The following TECPR2 variants were observed in gnomAD, a reference collection of about 807,000 sequenced individuals.
The protein encoded by TECPR2 is tectonin beta-propeller repeat-containing protein 2.
A neutral mutation model predicts 138.1 loss-of-function variants in TECPR2; 65 were observed. That is an observed-to-expected ratio of 0.47 (90% CI 0.39 to 0.58). The LOEUF is 0.58. TECPR2 is among the 20% of genes least tolerant of loss of function. The pLI is 0.00. For synonymous variants in TECPR2, 746 were observed against 749.8 expected (o/e 0.99, Z 0.08); for missense variants, 1,553 against 1,824.5 (o/e 0.85, Z 2.71).
chr14:102,488,700 G>A (rs1271600096), intron 17 of TECPR2, among the ~76,000 whole-genome samples: 3 of 151,702 alleles, frequency 2.0e-5, no homozygotes, highest in Admixed American at 6.6e-5. Context: ...AAGAAATCCT[G>A]AGTACCCTTT....
intron 17 of TECPR2, among the ~76,000 whole-genome samples, chr14:102,496,516 C>T (rs535774169): frequency 3.3e-5 from 5 of 152,336 alleles, no homozygotes; most frequent in South Asian, 4.1e-4. Flanking sequence ...GTTGCCTGCC[C>T]GGCAGCACAT....
At chr14:102,391,515 C>A (rs1399497242) in intron 2 of TECPR2, among the ~76,000 whole-genome samples, 1 of 152,112 alleles carries the variant, frequency 6.6e-6, no homozygotes, top group Non-Finnish European at 1.5e-5. Context: ...TGTTAATGGT[C>A]CCTTTCCCAA....
rs1440029558 is a variant in TECPR2 at position 102,438,178 on chromosome 14, G to A, written c.2551G>A (p.Val851Ile). The change falls in exon 10 of 20, where the codon GTC becomes ATC. Residue 851 changes from valine (V) to isoleucine (I), a missense_variant. Transcript: ENST00000359520. ...GLRWQKFEDA[V>I]QQVAVSPSGA... The stretch of plus-strand genomic sequence containing the variant: ...GCGCTGGCAGAAGTTTGAAGATGCT[G>A]TCCAGCAGGTGGCAGTCTCGCCCTC... The A allele has an allele frequency of 3.1e-6, 5 of 1,610,436 alleles. No individual in the cohort carries two copies. Among genetic ancestry groups the A allele is most frequent in the Middle Eastern group, 1.7e-4 (1 of 5,990 alleles).
At chr14:102,393,881 C>T (rs1000282030) in intron 2 of TECPR2, among the ~76,000 whole-genome samples, 3 of 152,044 alleles carry the variant, frequency 2.0e-5, no homozygotes, top group Non-Finnish European at 4.4e-5. Flanking sequence ...TATTTTGGAA[C>T]CATTCATTCA....
intron 17 of TECPR2, among the ~76,000 whole-genome samples, chr14:102,485,628 G>A (rs565160450): frequency 2.0e-5 from 3 of 152,188 alleles, no homozygotes; most frequent in Admixed American, 6.5e-5. Flanking sequence ...TTTAAACAAC[G>A]ACCTAGGGAA....
At chr14:102,393,694 G>T (rs1276705815) in intron 2 of TECPR2, among the ~76,000 whole-genome samples, 2 of 152,168 alleles carry the variant, frequency 1.3e-5, no homozygotes, top group Non-Finnish European at 2.9e-5. Context: ...AAGTAGCTGA[G>T]ATTACAGGTG....
At chr14:102,437,466 C>T (rs117848254) in intron 9 of TECPR2, among the ~76,000 whole-genome samples, 2 of 151,882 alleles carry the variant, frequency 1.3e-5, no homozygotes, top group Non-Finnish European at 2.9e-5. Flanking sequence ...AGAATTGCGA[C>T]TTGCTTGAAC....
intron 3 of TECPR2, 107 bp downstream of exon 3, chr14:102,407,573 C>G: frequency 7.1e-7 from 1 of 1,408,946 alleles, no homozygotes; most frequent in Non-Finnish European, 9.4e-7. Flanking sequence ...CAGAGAAAGC[C>G]GGGCACGACT....
intron 16 of TECPR2, among the ~76,000 whole-genome samples, chr14:102,461,451 T>C (rs1217846895): frequency 6.6e-6 from 1 of 152,220 alleles, no homozygotes; most frequent in Non-Finnish European, 1.5e-5. Context: ...TAAAATGATA[T>C]GTTTAAGAAA....
At chr14:102,467,311 C>T (rs932999043) in intron 17 of TECPR2, among the ~76,000 whole-genome samples, 1 of 148,484 alleles carries the variant, frequency 6.7e-6, no homozygotes, top group Non-Finnish European at 1.5e-5. Context: ...TTTTTCCCAT[C>T]CTCACCAATT....
rs560447565 is a variant in TECPR2 at position 102,455,567 on chromosome 14, C to T, written c.3640+2940C>T. ...GGCTTAAGCAATCCTCGCACCTCAG[C>T]CTCCCAAGTAGCTGGGACCACAGAC... On this transcript the variant is annotated intron_variant, in intron 16 of 19. Transcript: ENST00000359520. 2.0e-5 allele frequency among the ~76,000 whole-genome samples: 3 copies of T among 152,242 alleles called. No individual in the cohort carries two copies. In the South Asian group the frequency reaches 6.2e-4, roughly 32 times the overall value.
intron 4 of TECPR2, among the ~76,000 whole-genome samples, chr14:102,411,284 A>G (rs1380383642): frequency 2.6e-5 from 4 of 152,250 alleles, no homozygotes; most frequent in Admixed American, 6.5e-5. Context: ...ATAAGAAGGC[A>G]GGAATGTCAG....
intron 11 of TECPR2, among the ~76,000 whole-genome samples, chr14:102,440,988 AT>A (rs961552178): frequency 2.7e-5 from 4 of 148,166 alleles, no homozygotes; most frequent in African/African-American, 9.9e-5. Flanking sequence ...AAGTGGCTGC[AT>A]TTTTTTTTTC....
At chr14:102,455,436 C>A (rs1890252806) in intron 16 of TECPR2, among the ~76,000 whole-genome samples, 1 of 152,174 alleles carries the variant, frequency 6.6e-6, no homozygotes, top group African/African-American at 2.4e-5. Flanking sequence ...TCACCTTGAA[C>A]CGCAATTTCC....
At chr14:102,494,337 G>A (rs758221028) in intron 17 of TECPR2, among the ~76,000 whole-genome samples, 88 of 152,178 alleles carry the variant, frequency 5.8e-4, no homozygotes, top group Non-Finnish European at 1.0e-3. Context: ...GAGGTCAGGA[G>A]TTCTAGATCA....
chr14:102,368,668 A>G (rs1887412602), intron 1 of TECPR2, among the ~76,000 whole-genome samples: 1 of 149,480 alleles, frequency 6.7e-6, no homozygotes, highest in African/African-American at 2.5e-5. Flanking sequence ...TACTTTCTTG[A>G]TGGTGCCCTT....
At chr14:102,428,808 C>T (rs1252600249) in intron 7 of TECPR2, among the ~76,000 whole-genome samples, 4 of 151,576 alleles carry the variant, frequency 2.6e-5, no homozygotes, top group African/African-American at 9.7e-5. Context: ...ACTATTGCAA[C>T]TTTATTTGAA....
At chr14:102,363,915 C>G (rs931446695) in intron 1 of TECPR2, among the ~76,000 whole-genome samples, 2 of 152,258 alleles carry the variant, frequency 1.3e-5, no homozygotes, top group Non-Finnish European at 2.9e-5. Context: ...TTCTCGCCCT[C>G]TAGTCCCTTC....
intron 17 of TECPR2, among the ~76,000 whole-genome samples, chr14:102,484,361 C>A (rs745310033): frequency 6.6e-6 from 1 of 152,140 alleles, no homozygotes; most frequent in Non-Finnish European, 1.5e-5. Context: ...CTTTGTATGT[C>A]CCAAGTTGTG....
Sources: allele counts gnomAD v4.1 joint callset (sites outside exome capture counted in the v4.1 genomes callset), GRCh38; gene constraint gnomAD v4.1.1; transcripts MANE v1.5; gene names NCBI Gene and HGNC (gene_info 2026-07-23, HGNC 2026-07-21).